The following GIMAP6 variants were observed in gnomAD, a reference collection of about 807,000 sequenced individuals.
The protein encoded by GIMAP6 is GTPase IMAP family member 6.
Under a neutral mutation model 9.3 loss-of-function variants are expected in GIMAP6, and 6 were observed. The observed-to-expected ratio is 0.65, with a 90% CI of 0.35 to 1.27. GIMAP6 has a LOEUF of 1.27. Among genes scored for constraint, GIMAP6 ranks in the 50% most tolerant of loss-of-function variants. GIMAP6 has a pLI of 0.03. For synonymous variants in GIMAP6, 156 were observed against 151.1 expected (o/e 1.03, Z -0.24); for missense variants, 333 against 359.5 (o/e 0.93, Z 0.60).
At chr7:150,629,281 C>T (rs1203435606) in intron 2 of GIMAP6, among the ~76,000 whole-genome samples, 1 of 152,180 alleles carries the variant, frequency 6.6e-6, no homozygotes, top group East Asian at 1.9e-4. Context: ...AATAGCTAAC[C>T]TTGATTGCTA....
At chr7:150,631,130 C>A (rs1360246599) in intron 1 of GIMAP6, among the ~76,000 whole-genome samples, 1 of 152,178 alleles carries the variant, frequency 6.6e-6, no homozygotes, top group Non-Finnish European at 1.5e-5. Context: ...TGTGGGGAAA[C>A]CTAAGTCCAG....
Position 150,631,360 on chromosome 7 carries a change from C to T in GIMAP6, c.-1+809G>A, listed in dbSNP as rs542621472. On this transcript the variant is annotated intron_variant, in intron 1 of 2. Transcript: ENST00000328902. Reference sequence around the variant, plus strand: ...AGGAAGAAAGAAGAAGCAGGCCAGGCGGACAGCCTTACTCAGACCTGAACA... The same window carrying T: ...AGGAAGAAAGAAGAAGCAGGCCAGGTGGACAGCCTTACTCAGACCTGAACA... Among the ~76,000 whole-genome samples, 19 of 152,260 alleles carry T rather than the reference C, an allele frequency of 1.2e-4. 1 individual carries two copies. The highest frequency in any genetic ancestry group is 9.2e-4 in the Admixed American group (14 of 15,298).
At position 150,628,449 on chromosome 7, in the gene GIMAP6, C is replaced by T; in HGVS notation, c.149G>A (p.Gly50Glu). ...GTTTCCTGTTGCACTCTTCCCACTC[C>T]CTGTTTTCCCCATGAGAATGAGCCT... ...RLRLILMGKT[G>E]SGKSATGNSI... is the part of the protein sequence containing the mutation. The change falls in exon 3 of 3, where the codon GGG becomes GAG. Residue 50 changes from glycine (G) to glutamate (E), a missense_variant. By Grantham distance (98) the Gly-to-Glu change is moderately conservative. Transcript: ENST00000328902. The T allele has an allele frequency of 6.2e-7, 1 of 1,614,186 alleles. No homozygotes were observed. Among genetic ancestry groups the T allele is most frequent in the Non-Finnish European group, 8.5e-7 (1 of 1,180,028 alleles).
In GIMAP6 at chr7:150,625,808, G is replaced by A. The variant is rs146579127; in HGVS notation, c.*1911C>T. 1.2e-3 allele frequency: 180 copies of A among 152,186 alleles called. 2 individuals are homozygous for A. Among genetic ancestry groups the A allele is most frequent in the African/African-American group, 3.9e-3 (162 of 41,534 alleles). The allele number at this position is 152,186 out of a possible 1,614,324, so 9.4% of individuals were successfully genotyped here. Reference sequence around the variant, plus strand: ...AAAATGAAGACTGAGGCAAAAATTGGCTCCCACATTATAGTCAAAGCCACT... The same window carrying A: ...AAAATGAAGACTGAGGCAAAAATTGACTCCCACATTATAGTCAAAGCCACT... On this transcript the variant is annotated 3_prime_UTR_variant, in exon 3 of 3. Transcript: ENST00000328902.
chr7:150,628,807 G>A, intron 2 of GIMAP6: 1 of 1,332,208 alleles, frequency 7.5e-7, no homozygotes. Context: ...AAGAAGGCAG[G>A]AAGGGAATTC....
At chr7:150,628,908 C>T (rs772609826) in intron 2 of GIMAP6, 62 of 513,740 alleles carry the variant, frequency 1.2e-4, no homozygotes, top group Middle Eastern at 4.4e-4. Flanking sequence ...CCACTGAAGA[C>T]ATTGATGTAT....
At position 150,628,066 on chromosome 7, in the gene GIMAP6, G is replaced by A. The variant is rs1195086045; in HGVS notation, c.532C>T (p.Arg178Ter). The A allele has an allele frequency of 1.9e-5, 30 of 1,614,054 alleles. No individual in the cohort carries two copies. The highest frequency in any genetic ancestry group is 2.7e-5 in the African/African-American group (2 of 74,930). The change falls in exon 3 of 3, where the codon CGA (arginine) becomes TGA (stop). Residue 178 changes from arginine to a stop codon, truncating the protein, a stop_gained. Transcript: ENST00000328902. LOFTEE classifies it low-confidence loss of function (END_TRUNC). ...LAGGSLEDYV[R>*]ETNNQALAWL... Reference sequence around the variant, plus strand: ...GCAAGGGCCTGGTTGTTGGTCTCTCGCACATAGTCTTCCAGGGAGCCGCCA... The same window carrying A: ...GCAAGGGCCTGGTTGTTGGTCTCTCACACATAGTCTTCCAGGGAGCCGCCA...
At chr7:150,628,553 G>A (rs779724901) in intron 2 of GIMAP6, 41 bp from the exon 3 acceptor site, 9 of 1,605,464 alleles carry the variant, frequency 5.6e-6, no homozygotes, top group Non-Finnish European at 6.8e-6. Flanking sequence ...TGGGGTAAGG[G>A]CCCATGTACC....
intron 1 of GIMAP6, 145 bp from the exon 2 acceptor site, chr7:150,630,287 T>C (rs1163018875): frequency 5.2e-6 from 3 of 576,400 alleles, no homozygotes; most frequent in East Asian, 6.5e-5. Flanking sequence ...AGTGAGGCAA[T>C]GGAAGAAGGG....
chr7:150,632,146 C>T (rs2116790826), intron 1 of GIMAP6, 23 bp downstream of exon 1: 1 of 152,386 alleles, frequency 6.6e-6, no homozygotes, highest in Admixed American at 6.5e-5. Flanking sequence ...CCAAATATGA[C>T]ACGCACAAAT....
At position 150,628,125 on chromosome 7, in the gene GIMAP6, G is replaced by T; in HGVS notation, c.473C>A (p.Thr158Asn). 1 of 1,614,208 alleles carries T rather than the reference G, an allele frequency of 6.2e-7. No individual in the cohort carries two copies. Among genetic ancestry groups the T allele is most frequent in the Non-Finnish European group, 8.5e-7 (1 of 1,180,042 alleles). The change falls in exon 3 of 3, where the codon ACC (threonine) becomes AAC (asparagine). Residue 158 changes from threonine to asparagine, a missense_variant. Transcript: ENST00000328902. ...TTCCTTCCGGGTGAACACCAGGATG[G>T]TGTGACCCAGAACCCCCACTCCAAA... The part of the protein sequence containing the change: ...EVFGVGVLGH[T>N]ILVFTRKEDL...
At position 150,628,042 on chromosome 7, in the gene GIMAP6, C is replaced by T. The variant is rs1278753333; in HGVS notation, c.556G>A (p.Ala186Thr). 3.7e-6 allele frequency: 6 copies of T among 1,614,138 alleles called. No homozygotes were observed. Among genetic ancestry groups the T allele is most frequent in the Admixed American group, 3.3e-5 (2 of 60,016 alleles). The change falls in exon 3 of 3, where the codon GCC (alanine) becomes ACC (threonine). Residue 186 changes from alanine (A) to threonine (T), a missense_variant. Physicochemically the swap from Ala to Thr is moderately conservative, Grantham distance 58. Transcript: ENST00000328902. ...CGTGCAAGGGTCACATCCAGCCAGG[C>T]AAGGGCCTGGTTGTTGGTCTCTCGC... is the stretch of plus-strand genomic sequence containing the variant. ...YVRETNNQAL[A>T]WLDVTLARRH... is the part of the protein sequence containing the mutation.
Position 150,628,349 on chromosome 7 carries a change from G to T in GIMAP6, c.249C>A (p.Ser83Arg). Residue 83 changes from serine to arginine, a missense_variant, in exon 3 of 3, where the codon AGC becomes AGA. Ser to Arg is a moderately radical substitution (Grantham distance 110). Coordinates refer to ENST00000328902, the MANE Select transcript of GIMAP6 (RefSeq NM_024711.6). ...CAAGCTCCTTCCCAGCCCACTCTCG[G>T]CTCCGTCTCTGGGAGGTCTTGGTCA... ...RPVTKTSQRR[S>R]REWAGKELEV... The T allele has an allele frequency of 6.2e-7, 1 of 1,614,054 alleles. No homozygotes were observed. Among genetic ancestry groups the T allele is most frequent in the Non-Finnish European group, 8.5e-7 (1 of 1,179,962 alleles).
chr7:150,630,207 C>T, intron 1 of GIMAP6, 65 bp from the exon 2 acceptor site: 1 of 1,316,696 alleles, frequency 7.6e-7, no homozygotes, highest in South Asian at 1.4e-5. Context: ...GTTTCAACAG[C>T]CACCTGCCTT....
chr7:150,630,146 CAAAAAAAAAAA>C lies in GIMAP6; in HGVS notation c.1-15_1-5del, dbSNP rs58764098. On this transcript the variant is annotated splice_polypyrimidine_tract_variant and splice_region_variant and intron_variant, in intron 1 of 2. Coordinates refer to ENST00000328902, the MANE Select transcript of GIMAP6 (RefSeq NM_024711.6). The stretch of plus-strand genomic sequence containing the variant: ...GTTCATATTCTTCTTCCTCCATCTA[CAAAAAAAAAAA>C]AAAAAAAAAAATCATATGTTCTACT... 1.1e-5 allele frequency: 10 copies of C among 936,278 alleles called. No homozygotes were observed. Among genetic ancestry groups the C allele is most frequent in the African/African-American group, 6.1e-5 (3 of 49,472 alleles). The allele number at this position is 936,278 out of a possible 1,614,324, so 58.0% of individuals were successfully genotyped here.
rs866045268 is a variant in GIMAP6, at chr7:150,626,297, G to A, written c.*1422C>T. 1 of 152,396 alleles carries A rather than the reference G, an allele frequency of 6.6e-6. No individual in the cohort carries two copies. The highest frequency in any genetic ancestry group is 1.5e-5 in the Non-Finnish European group (1 of 68,156). 9.4% of individuals were successfully genotyped at this position (152,396 alleles called of 1,614,324 possible). A position where few individuals can be genotyped will look rare whatever the true frequency, so the allele number is the denominator to read the frequency against. Reference sequence around the variant, plus strand: ...GCTGTACTTCCCGCCCCTCTCGGGAGAAACTAGCTAAAGGCCCCCTGCTAC... The same window carrying A: ...GCTGTACTTCCCGCCCCTCTCGGGAAAAACTAGCTAAAGGCCCCCTGCTAC... On this transcript the variant is annotated 3_prime_UTR_variant, in exon 3 of 3. Coordinates refer to ENST00000328902, the MANE Select transcript of GIMAP6 (RefSeq NM_024711.6).
intron 1 of GIMAP6, 91 bp downstream of exon 1, chr7:150,632,078 T>G (rs891859584): frequency 6.6e-6 from 1 of 151,970 alleles, no homozygotes; most frequent in Non-Finnish European, 1.5e-5. Flanking sequence ...CACATTCATG[T>G]TAACACATAC....
chr7:150,626,075 C>A lies in GIMAP6; in HGVS notation c.*1644G>T, dbSNP rs1028181440. On this transcript the variant is annotated 3_prime_UTR_variant, in exon 3 of 3. Coordinates refer to ENST00000328902, the MANE Select transcript of GIMAP6 (RefSeq NM_024711.6). The stretch of plus-strand genomic sequence containing the variant: ...TGAGACACTTTTCTGAATCTGTTAG[C>A]AAGAGAAATGCTGAAGCTTTCTCAG... The A allele has an allele frequency of 4.6e-5, 7 of 152,240 alleles. No homozygotes were observed. Among genetic ancestry groups the A allele is most frequent in the African/African-American group, 1.7e-4 (7 of 41,454 alleles). The allele number at this position is 152,240 out of a possible 1,614,324, so 9.4% of individuals were successfully genotyped here. A position where few individuals can be genotyped will look rare whatever the true frequency, so the allele number is the denominator to read the frequency against.
rs528321127 is a variant in GIMAP6 at position 150,630,165 on chromosome 7, A to T, written c.1-23T>A. 1.8e-5 allele frequency: 26 copies of T among 1,465,380 alleles called. No individual in the cohort carries two copies. In the East Asian group the frequency reaches 5.7e-4, roughly 32 times the overall value. 90.8% of individuals were successfully genotyped at this position (1,465,380 alleles called of 1,614,324 possible). ...CATCTACAAAAAAAAAAAAAAAAAA[A>T]AAATCATATGTTCTACTGACTTTCC... On this transcript the variant is annotated intron_variant, in intron 1 of 2. Transcript: ENST00000328902.
Sources: allele counts gnomAD v4.1 joint callset (sites outside exome capture counted in the v4.1 genomes callset), GRCh38; gene constraint gnomAD v4.1.1; transcripts MANE v1.5; gene names NCBI Gene and HGNC (gene_info 2026-07-23, HGNC 2026-07-21).